The following QTMAN variants were observed in gnomAD, a reference collection of about 807,000 sequenced individuals.
QTMAN encodes tRNA-queuosine alpha-mannosyltransferase.
chr2:144,219,410 C>T, the QTMAN span, among the ~76,000 whole-genome samples: 3 of 151,660 alleles, frequency 2.0e-5, no homozygotes, highest in African/African-American at 7.3e-5. Context: ...GGATTACAGG[C>T]GTAAGCCACT....
chr2:144,249,549 A>T, the QTMAN span, among the ~76,000 whole-genome samples: 2 of 152,246 alleles, frequency 1.3e-5, no homozygotes, highest in South Asian at 2.1e-4. Context: ...CTACTGAGTG[A>T]CAATTATATG....
the QTMAN span, among the ~76,000 whole-genome samples, chr2:144,119,554 A>G: frequency 3.3e-5 from 5 of 152,342 alleles, no homozygotes; most frequent in African/African-American, 1.2e-4. Context: ...AAGCAAAACC[A>G]GAAGACTGGT....
chr2:144,279,568 T>C, the QTMAN span, among the ~76,000 whole-genome samples: 4 of 152,124 alleles, frequency 2.6e-5, no homozygotes, highest in Non-Finnish European at 5.9e-5. Context: ...GCCTCATCCT[T>C]AGGAATTCCA....
the QTMAN span, among the ~76,000 whole-genome samples, chr2:144,074,687 A>C: frequency 1.3e-5 from 2 of 152,212 alleles, no homozygotes; most frequent in Admixed American, 6.5e-5. Context: ...AGGTTAAATG[A>C]GGGGCTTGAC....
chr2:144,067,482 C>A, the QTMAN span, among the ~76,000 whole-genome samples: 7 of 152,294 alleles, frequency 4.6e-5, no homozygotes, highest in South Asian at 1.4e-3. Context: ...GATGGTTATG[C>A]CACTCACTGC....
the QTMAN span, among the ~76,000 whole-genome samples, chr2:143,976,829 C>T: frequency 6.6e-6 from 1 of 152,208 alleles, no homozygotes; most frequent in Non-Finnish European, 1.5e-5. Context: ...CAACAACATC[C>T]ATGTGGCTTT....
At chr2:144,208,836 C>T in the QTMAN span, 1 of 1,256,958 alleles carries the variant, frequency 8.0e-7, no homozygotes, top group Non-Finnish European at 1.1e-6. Flanking sequence ...TATATTTTTT[C>T]CATTACATAC....
chr2:144,139,509 G>A, the QTMAN span, among the ~76,000 whole-genome samples: 1 of 152,036 alleles, frequency 6.6e-6, no homozygotes, highest in African/African-American at 2.4e-5. Context: ...CACAAGTACA[G>A]ATCACAGAAC....
chr2:144,231,888 GTGTGT>G, the QTMAN span, among the ~76,000 whole-genome samples: 3 of 135,832 alleles, frequency 2.2e-5, no homozygotes, highest in African/African-American at 5.5e-5. Flanking sequence ...GTGTGTGTGT[GTGTGT>G]TATCTTTACT....
chr2:144,014,780 T>A, the QTMAN span, among the ~76,000 whole-genome samples: 7,855 of 152,280 alleles, frequency 0.052, 332 homozygotes, highest in African/African-American at 0.11. Flanking sequence ...TATGGGCTGT[T>A]ATAAGGAAAA....
chr2:144,122,692 T>C, the QTMAN span, among the ~76,000 whole-genome samples: 1 of 152,186 alleles, frequency 6.6e-6, no homozygotes, highest in Non-Finnish European at 1.5e-5. Flanking sequence ...CATGCAATTA[T>C]CTACATGTGT....
chr2:144,296,880 A>C, the QTMAN span, among the ~76,000 whole-genome samples: 1 of 152,190 alleles, frequency 6.6e-6, no homozygotes, highest in Non-Finnish European at 1.5e-5. Context: ...AAAAAGATGA[A>C]GAGAAGTCTT....
the QTMAN span, among the ~76,000 whole-genome samples, chr2:144,269,839 A>C: frequency 6.6e-6 from 1 of 151,806 alleles, no homozygotes; most frequent in Non-Finnish European, 1.5e-5. Context: ...AAAAAAAAAA[A>C]CTCACCTATT....
chr2:144,068,760 T>A, the QTMAN span, among the ~76,000 whole-genome samples: 3 of 152,176 alleles, frequency 2.0e-5, no homozygotes, highest in Non-Finnish European at 4.4e-5. Flanking sequence ...TGATTTAGCA[T>A]CCAGCATACA....
At chr2:144,057,759 G>T in the QTMAN span, among the ~76,000 whole-genome samples, 1 of 152,072 alleles carries the variant, frequency 6.6e-6, no homozygotes, top group East Asian at 1.9e-4. Flanking sequence ...AATTTCCCAA[G>T]AAATAATGTG....
At chr2:144,007,631 A>T in the QTMAN span, 3 of 713,592 alleles carry the variant, frequency 4.2e-6, no homozygotes, top group Non-Finnish European at 6.4e-6. Flanking sequence ...TTATATATAA[A>T]ACTGAGAAAA....
the QTMAN span, among the ~76,000 whole-genome samples, chr2:144,229,408 G>A: frequency 6.6e-6 from 1 of 152,204 alleles, no homozygotes; most frequent in Admixed American, 6.5e-5. Context: ...TACCCTTTCA[G>A]TGGTTCAGGG....
the QTMAN span, among the ~76,000 whole-genome samples, chr2:144,280,198 C>T: frequency 6.6e-6 from 1 of 152,164 alleles, no homozygotes; most frequent in African/African-American, 2.4e-5. Context: ...AAACCCAAGA[C>T]AACACATACC....
chr2:144,120,523 G>A, the QTMAN span, among the ~76,000 whole-genome samples: 2 of 152,124 alleles, frequency 1.3e-5, no homozygotes, highest in African/African-American at 4.8e-5. Context: ...ATTATATGAT[G>A]GACATCTGCT....
Sources: allele counts gnomAD v4.1 joint callset (sites outside exome capture counted in the v4.1 genomes callset), GRCh38; gene constraint gnomAD v4.1.1; transcripts MANE v1.5; gene names NCBI Gene and HGNC (gene_info 2026-07-23, HGNC 2026-07-21).